BRD7: variants seen among roughly 807,000 people sequenced by gnomAD.
BRD7 encodes bromodomain-containing protein 7.
In BRD7, 15 loss-of-function variants were observed where a neutral mutation model predicts 82.1. The observed-to-expected ratio is 0.18, with a 90% confidence interval of 0.12 to 0.28. The LOEUF (loss-of-function observed/expected upper bound fraction) is 0.28. BRD7 is among the 10% of genes least tolerant of loss of function. The probability of loss-of-function intolerance (pLI) is 1.00; values close to 1 mark genes in which losing one functional copy is unlikely to be tolerated. For missense variants in BRD7, 638 were observed against 779.9 expected (o/e 0.82, Z 2.17); for synonymous variants, 232 against 266.9 (o/e 0.87, Z 1.27).
chr16:50,334,208 G>T (rs1056363999), intron 7 of BRD7, among the ~76,000 whole-genome samples: 1 of 152,188 alleles, frequency 6.6e-6, no homozygotes, highest in African/African-American at 2.4e-5. Flanking sequence ...ACGGGCAGAT[G>T]CGGCTGCCGT....
chr16:50,368,343 T>G (rs2039231078), intron 1 of BRD7, 45 bp from the exon 2 acceptor site: 1 of 1,592,468 alleles, frequency 6.3e-7, no homozygotes, highest in Non-Finnish European at 8.6e-7. Flanking sequence ...TCGATTAAAA[T>G]CGGGGCTCTC....
chr16:50,321,395 T>C (rs1327080968), intron 13 of BRD7, among the ~76,000 whole-genome samples: 1 of 151,702 alleles, frequency 6.6e-6, no homozygotes, highest in Admixed American at 6.6e-5. Context: ...ACCCTGTCTC[T>C]ACTAAAAATA....
chr16:50,329,882 A>G (rs1567604420), intron 8 of BRD7, among the ~76,000 whole-genome samples: 2 of 150,212 alleles, frequency 1.3e-5, no homozygotes, highest in African/African-American at 5.1e-5. Context: ...ATATACACAC[A>G]TATGTCTACT....
rs753055569 is a variant in BRD7 at position 50,325,844 on chromosome 16, G to A, written c.1235C>T (p.Pro412Leu). 21 of 1,610,764 alleles carry A rather than the reference G, an allele frequency of 1.3e-5. No homozygotes were observed. Among genetic ancestry groups the A allele is most frequent in the Middle Eastern group, 1.6e-4 (1 of 6,068 alleles). Reference protein sequence around the residue: ...LNYGPYSSYAPHYDSTFANIS... With the variant: ...LNYGPYSSYALHYDSTFANIS... ...ATTTGCAAATGTGGAGTCATAATGC[G>A]GTGCATAAGAACTGTAGGGCCCATA... is the stretch of plus-strand genomic sequence containing the variant. Residue 412 changes from proline to leucine, a missense_variant, in exon 11 of 17, where the codon CCG becomes CTG. Transcript: ENST00000394688.
rs1393546031 is a variant in BRD7, at chr16:50,318,070, A to G, written c.*1141T>C. 2.0e-5 allele frequency: 3 copies of G among 152,304 alleles called. No individual in the cohort carries two copies. Among genetic ancestry groups the G allele is most frequent in the African/African-American group, 7.2e-5 (3 of 41,458 alleles). 9.4% of individuals were successfully genotyped at this position (152,304 alleles called of 1,614,324 possible). On this transcript the variant is annotated 3_prime_UTR_variant, in exon 17 of 17. Transcript: ENST00000394688. ...AACATTTGTTTCAAAATGCTGTTTC[A>G]TTTTTATAAAGTACCAGTGTTTAGC...
At chr16:50,346,353 A>T (rs2038282505) in intron 5 of BRD7, among the ~76,000 whole-genome samples, 2 of 152,172 alleles carry the variant, frequency 1.3e-5, no homozygotes, top group South Asian at 4.1e-4. Flanking sequence ...CATCACAATT[A>T]AAAAAATTAG....
At chr16:50,348,685 T>C (rs936940698) in intron 5 of BRD7, among the ~76,000 whole-genome samples, 1 of 152,058 alleles carries the variant, frequency 6.6e-6, no homozygotes, top group East Asian at 1.9e-4. Context: ...GTCGGAGAAA[T>C]GCAAATCAAA....
chr16:50,325,356 C>G (rs1362012152), intron 11 of BRD7, among the ~76,000 whole-genome samples: 1 of 152,160 alleles, frequency 6.6e-6, no homozygotes, highest in Non-Finnish European at 1.5e-5. Flanking sequence ...CCTATCCTGC[C>G]TCCTTTCTTG....
chr16:50,363,969 G>T (rs2039040203), intron 2 of BRD7, among the ~76,000 whole-genome samples: 1 of 151,884 alleles, frequency 6.6e-6, no homozygotes. Flanking sequence ...AGACTGAGGT[G>T]AGAGGATCAC....
intron 5 of BRD7, among the ~76,000 whole-genome samples, chr16:50,341,034 G>A (rs775133491): frequency 2.0e-5 from 3 of 152,144 alleles, no homozygotes; most frequent in African/African-American, 2.4e-5. Flanking sequence ...GTACAAGTAC[G>A]TAAGACTGAG....
chr16:50,358,437 G>C (rs930489673), intron 2 of BRD7, among the ~76,000 whole-genome samples: 1 of 149,028 alleles, frequency 6.7e-6, no homozygotes, highest in Admixed American at 6.7e-5. Flanking sequence ...TGGAGGTTGC[G>C]GTAAGTCGAG....
At chr16:50,367,963 G>A (rs1168540536) in intron 2 of BRD7, 127 bp downstream of exon 2, 1 of 942,906 alleles carries the variant, frequency 1.1e-6, no homozygotes. Context: ...ATTCTGTCCT[G>A]CTCCTCCTCA....
At chr16:50,359,419 G>GT in intron 2 of BRD7, among the ~76,000 whole-genome samples, 1 of 152,266 alleles carries the variant, frequency 6.6e-6, no homozygotes, top group Non-Finnish European at 1.5e-5. Flanking sequence ...TTTATGTAAA[G>GT]TTTTAGCACA....
In BRD7 at chr16:50,368,914, G is replaced by T. The variant is rs992867202; in HGVS notation, c.-140C>A. The T allele has an allele frequency of 2.9e-6, 1 of 343,368 alleles. No homozygotes were observed. The highest frequency in any genetic ancestry group is 4.1e-6 in the Non-Finnish European group (1 of 245,624). The allele number at this position is 343,368 out of a possible 1,614,324, so 21.3% of individuals were successfully genotyped here. A position where few individuals can be genotyped will look rare whatever the true frequency, so the allele number is the denominator to read the frequency against. On this transcript the variant is annotated 5_prime_UTR_variant, in exon 1 of 17. Coordinates refer to ENST00000394688, the MANE Select transcript of BRD7 (RefSeq NM_013263.5). ...GCGAGGCAGGGGGGCGGCGCGCGCC[G>T]GGCGGCGCGATGCCCCTCTCGAGAA... is the stretch of plus-strand genomic sequence containing the variant.
chr16:50,343,391 G>C (rs1266971591), intron 5 of BRD7, among the ~76,000 whole-genome samples: 1 of 152,238 alleles, frequency 6.6e-6, no homozygotes, highest in African/African-American at 2.4e-5. Context: ...CCCAGCATGA[G>C]TGATGCAGAA....
chr16:50,341,147 C>T (rs1265487303), intron 5 of BRD7, among the ~76,000 whole-genome samples: 1 of 145,226 alleles, frequency 6.9e-6, no homozygotes, highest in Non-Finnish European at 1.5e-5. Flanking sequence ...CTCTAAGCAT[C>T]TGATGAAAGC....
chr16:50,359,104 A>G (rs1191100346), intron 2 of BRD7, among the ~76,000 whole-genome samples: 5 of 152,252 alleles, frequency 3.3e-5, no homozygotes, highest in East Asian at 1.9e-4. Flanking sequence ...ACGTAAAACC[A>G]TAAGTTAACA....
intron 5 of BRD7, among the ~76,000 whole-genome samples, chr16:50,343,625 T>A (rs2038162723): frequency 6.6e-6 from 1 of 152,144 alleles, no homozygotes; most frequent in South Asian, 2.1e-4. Flanking sequence ...GCTTTTCCAA[T>A]GGTCTTTGCA....
At chr16:50,344,112 G>A (rs192818607) in intron 5 of BRD7, among the ~76,000 whole-genome samples, 1 of 136,758 alleles carries the variant, frequency 7.3e-6, no homozygotes, top group African/African-American at 2.8e-5. Flanking sequence ...TGCAATATTT[G>A]CTGTTCTGCA....
Sources: gnomAD v4.1 joint callset for allele counts (sites outside exome capture counted in the v4.1 genomes callset) on GRCh38, gnomAD v4.1.1 for gene constraint, MANE v1.5 for transcripts, NCBI Gene and HGNC (gene_info 2026-07-23, HGNC 2026-07-21) for gene names.